Variants in SMYD5 observed in about 807,000 individuals in gnomAD.
The protein encoded by SMYD5 is protein-lysine N-trimethyltransferase SMYD5.
Under a neutral mutation model 57.4 loss-of-function variants are expected in SMYD5, and 35 were observed. The ratio of observed to expected loss-of-function variants is 0.61; its 90% CI spans 0.47 to 0.81. The LOEUF is 0.81. SMYD5 is among the 30% of genes least tolerant of loss of function. SMYD5 has a pLI of 0.00. For missense variants in SMYD5, 471 were observed against 527.9 expected, an observed-to-expected ratio of 0.89 and a Z score of 1.06; for synonymous variants, 198 against 189.7, an observed-to-expected ratio of 1.04 and a Z score of -0.36.
At chr2:73,223,596 C>A (rs995538831) in intron 9 of SMYD5, 64 bp downstream of exon 9, 41 of 1,115,248 alleles carry the variant, frequency 3.7e-5, no homozygotes, top group Non-Finnish European at 5.7e-5. Flanking sequence ...ATGGTGGACA[C>A]AAAGTCTTTC....
chr2:73,220,240 T>G, intron 3 of SMYD5, 50 bp downstream of exon 3: 1 of 1,601,042 alleles, frequency 6.2e-7, no homozygotes. Flanking sequence ...GAGGGAGGCC[T>G]TAGCTGGAGT....
intron 2 of SMYD5, 64 bp from the exon 3 acceptor site, chr2:73,219,987 C>T: frequency 1.2e-6 from 2 of 1,604,744 alleles, no homozygotes; most frequent in South Asian, 2.2e-5. Flanking sequence ...CTCTGTAGGG[C>T]TGTGAAAGGG....
At position 73,225,913 on chromosome 2, in the gene SMYD5, T is replaced by C; in HGVS notation, c.1224T>C (p.Asp408=). 1 of 1,614,064 alleles carries C rather than the reference T, an allele frequency of 6.2e-7. No homozygotes were observed. Among genetic ancestry groups the C allele is most frequent in the Non-Finnish European group, 8.5e-7 (1 of 1,179,942 alleles). ...AGGAGGAGGAAGGAGAGCCAGAAGATGCAGAGCTGGGGGATGAGATGACTG... is the reference window on the plus strand; with the variant it reads ...AGGAGGAGGAAGGAGAGCCAGAAGACGCAGAGCTGGGGGATGAGATGACTG... ...EEEEEEGEPE[D]AELGDEMTDV is the part of the protein sequence containing the mutation. Residue 408 remains aspartate, a synonymous_variant, in exon 13 of 13, where the codon GAT becomes GAC. Transcript: ENST00000389501.
At chr2:73,220,009 C>G (rs748110908) in intron 2 of SMYD5, 42 bp from the exon 3 acceptor site, 1 of 1,613,816 alleles carries the variant, frequency 6.2e-7, no homozygotes, top group Admixed American at 1.7e-5. Flanking sequence ...TAGATGTGGC[C>G]TCTGCTCTCA....
At position 73,224,820 on chromosome 2, in the gene SMYD5, A is replaced by T. The variant is rs1401074887; in HGVS notation, c.941-46A>T. 2.6e-5 allele frequency: 37 copies of T among 1,420,090 alleles called. No homozygotes were observed. The highest frequency in any genetic ancestry group is 3.5e-5 in the Non-Finnish European group (35 of 1,012,374). The allele number at this position is 1,420,090 out of a possible 1,614,324, so 88.0% of individuals were successfully genotyped here. ...AGTGCTCTGCAGAATTGAGGCTATT[A>T]TTTTTTTTAGTCAATAATCCTCATT... is the stretch of plus-strand genomic sequence containing the variant. On this transcript the variant is annotated intron_variant, in intron 10 of 12. Coordinates refer to ENST00000389501, the MANE Select transcript of SMYD5 (RefSeq NM_006062.3).
At position 73,223,954 on chromosome 2, in the gene SMYD5, A is replaced by G. The variant is rs1402969454; in HGVS notation, c.891A>G (p.Gly297=). 1.2e-6 allele frequency: 2 copies of G among 1,613,946 alleles called. No homozygotes were observed. The highest frequency in any genetic ancestry group is 2.2e-5 in the South Asian group (2 of 91,066). Residue 297 remains glycine (G), a synonymous_variant, in exon 10 of 13, where the codon GGA becomes GGG. Coordinates refer to ENST00000389501, the MANE Select transcript of SMYD5 (RefSeq NM_006062.3). ...QLYKDIEAAT[G]EFLNCEGSGL... Reference sequence around the variant, plus strand: ...TGTATTACTGTCTTACAGCAACTGGAGAGTTTCTTAACTGTGAAGGATCTG... The same window carrying G: ...TGTATTACTGTCTTACAGCAACTGGGGAGTTTCTTAACTGTGAAGGATCTG...
At chr2:73,214,753 AG>A (rs1225877432) in intron 1 of SMYD5, 4 of 1,321,452 alleles carry the variant, frequency 3.0e-6, no homozygotes, top group Non-Finnish European at 4.0e-6. Context: ...GATTTGGGTG[AG>A]GGGATGAGGA....
rs913827540 is a variant in SMYD5, at chr2:73,223,461, T to A, written c.812T>A (p.Leu271Gln). 2.5e-6 allele frequency: 4 copies of A among 1,614,140 alleles called. No homozygotes were observed. The highest frequency in any genetic ancestry group is 3.4e-6 in the Non-Finnish European group (4 of 1,179,980). ...LSQWVHACDT[L>Q]ELKPQDREQL... ...CAGTGGGTCCATGCCTGTGACACTC[T>A]GGAGTTGAAGCCTCAGGACCGTGAG... The change falls in exon 9 of 13, where the codon CTG becomes CAG. Residue 271 changes from leucine to glutamine, a missense_variant. Coordinates refer to ENST00000389501, the MANE Select transcript of SMYD5 (RefSeq NM_006062.3).
chr2:73,226,091 C>G lies in SMYD5; in HGVS notation c.*145C>G. 1 of 1,169,424 alleles carries G rather than the reference C, an allele frequency of 8.6e-7. No individual in the cohort carries two copies. Among genetic ancestry groups the G allele is most frequent in the South Asian group, 1.6e-5 (1 of 61,706 alleles). 72.4% of individuals were successfully genotyped at this position (1,169,424 alleles called of 1,614,324 possible). A position where few individuals can be genotyped will look rare whatever the true frequency, so the allele number is the denominator to read the frequency against. On this transcript the variant is annotated 3_prime_UTR_variant, in exon 13 of 13. Coordinates refer to ENST00000389501, the MANE Select transcript of SMYD5 (RefSeq NM_006062.3). ...CTCTCTGCTAGAGGGTAGGAGAGAG[C>G]CTGGATCTCTGGCCCCAACCCCCAC...
chr2:73,224,397 C>G (rs1462470885), intron 10 of SMYD5, among the ~76,000 whole-genome samples: 1 of 152,130 alleles, frequency 6.6e-6, no homozygotes, highest in Non-Finnish European at 1.5e-5. Context: ...GGGGCAGATT[C>G]AGCTCAGACA....
At chr2:73,214,670 C>G in intron 1 of SMYD5, 1 of 1,447,256 alleles carries the variant, frequency 6.9e-7, no homozygotes, top group South Asian at 1.2e-5. Flanking sequence ...ATCCCTGGAA[C>G]GGTGGGCGGG....
chr2:73,214,352 G>C lies in SMYD5; in HGVS notation c.86G>C (p.Ser29Thr). 6.2e-7 allele frequency: 1 copy of C among 1,613,494 alleles called. No homozygotes were observed. The change falls in exon 1 of 13, where the codon AGC (serine) becomes ACC (threonine). Residue 29 changes from serine to threonine, a missense_variant. Coordinates refer to ENST00000389501, the MANE Select transcript of SMYD5 (RefSeq NM_006062.3). ...ARVSVEVRFVSSAKGKGLFAT... is the reference protein window; with the variant it reads ...ARVSVEVRFVTSAKGKGLFAT... ...GTCTCCGTGGAAGTCCGTTTCGTGAGCAGCGCCAAGGTGAGGTCGGGGCGG... is the reference window on the plus strand; with the variant it reads ...GTCTCCGTGGAAGTCCGTTTCGTGACCAGCGCCAAGGTGAGGTCGGGGCGG...
At chr2:73,223,385 G>T (rs973552478) in intron 8 of SMYD5, 41 bp from the exon 9 acceptor site, 1 of 1,393,356 alleles carries the variant, frequency 7.2e-7, no homozygotes, top group African/African-American at 1.4e-5. Context: ...TGTGACCTGG[G>T]CTTCTGCCTC....
chr2:73,215,138 C>A (rs566746114), intron 1 of SMYD5, among the ~76,000 whole-genome samples: 1 of 152,174 alleles, frequency 6.6e-6, no homozygotes, highest in African/African-American at 2.4e-5. Context: ...ATTAATGGAC[C>A]CTTTATTGTT....
chr2:73,214,613 G>C, intron 1 of SMYD5: 1 of 1,510,624 alleles, frequency 6.6e-7, no homozygotes, highest in Non-Finnish European at 8.9e-7. Context: ...CCCGCGGGAG[G>C]CCCTTCTGTG....
rs111928263 is a variant in SMYD5, at chr2:73,220,811, T to G, written c.467+29T>G. 336 of 1,611,674 alleles carry G rather than the reference T, an allele frequency of 2.1e-4. 1 individual carries two copies. In the African/African-American group the frequency reaches 3.5e-3, roughly 17 times the overall value. On this transcript the variant is annotated intron_variant, in intron 4 of 12. Coordinates refer to ENST00000389501, the MANE Select transcript of SMYD5 (RefSeq NM_006062.3). ...GGTTTCTTTTCCTCTCTTCTTTCCT[T>G]TATCCTTTCCTCCCTGGTTGCCTGC...
intron 11 of SMYD5, 42 bp from the exon 12 acceptor site, chr2:73,225,589 A>G (rs1196333051): frequency 1.3e-6 from 2 of 1,583,080 alleles, no homozygotes; most frequent in African/African-American, 2.7e-5. Context: ...TATGCCATTT[A>G]AAAGAGCACA....
chr2:73,218,311 A>G (rs911131067), intron 1 of SMYD5, among the ~76,000 whole-genome samples: 11 of 152,212 alleles, frequency 7.2e-5, no homozygotes, highest in African/African-American at 2.7e-4. Flanking sequence ...TTTCAGTGCA[A>G]CCACCAAGGA....
Position 73,218,885 on chromosome 2 carries a change from C to G in SMYD5, c.121C>G (p.Leu41Val), listed in dbSNP as rs1415816524. The G allele has an allele frequency of 6.2e-7, 1 of 1,614,120 alleles. No homozygotes were observed. Among genetic ancestry groups the G allele is most frequent in the East Asian group, 2.2e-5 (1 of 44,882 alleles). ...AKGKGLFATQ[L>V]IRKGETIFVE... Reference sequence around the variant, plus strand: ...GGGAAAGGGGCTGTTTGCCACACAGCTCATCCGGAAGGGGGAGACCATCTT... The same window carrying G: ...GGGAAAGGGGCTGTTTGCCACACAGGTCATCCGGAAGGGGGAGACCATCTT... Residue 41 changes from leucine to valine, a missense_variant, in exon 2 of 13, where the codon CTC (leucine) becomes GTC (valine). Coordinates refer to ENST00000389501, the MANE Select transcript of SMYD5 (RefSeq NM_006062.3).
Sources: gnomAD v4.1 joint callset for allele counts (sites outside exome capture counted in the v4.1 genomes callset) on GRCh38, gnomAD v4.1.1 for gene constraint, MANE v1.5 for transcripts, NCBI Gene and HGNC (gene_info 2026-07-23, HGNC 2026-07-21) for gene names.